The following CCDC134 variants were observed in gnomAD, a reference collection of about 807,000 sequenced individuals.
The protein encoded by CCDC134 is coiled-coil domain-containing protein 134.
In CCDC134, 27 loss-of-function variants were observed where a neutral mutation model predicts 25.6. That is an observed-to-expected ratio of 1.05 (90% CI 0.78 to 1.45). The LOEUF is 1.45. CCDC134 is among the 40% of genes most tolerant of loss of function. The pLI, the probability that CCDC134 is intolerant of heterozygous loss-of-function variation, is 0.00. For synonymous variants in CCDC134, 110 were observed against 115.0 expected, an observed-to-expected ratio of 0.96 and a Z score of 0.28; for missense variants, 261 against 286.7, an observed-to-expected ratio of 0.91 and a Z score of 0.65.
At chr22:41,811,621 G>T (rs972245969) in intron 4 of CCDC134, among the ~76,000 whole-genome samples, 1 of 152,056 alleles carries the variant, frequency 6.6e-6, no homozygotes, top group African/African-American at 2.4e-5. Flanking sequence ...TAGAGATGGG[G>T]TTTTGCCATG....
intron 6 of CCDC134, among the ~76,000 whole-genome samples, chr22:41,815,114 G>A (rs746154264): frequency 6.6e-6 from 1 of 151,862 alleles, no homozygotes; most frequent in African/African-American, 2.4e-5. Flanking sequence ...ATGCAGGGAT[G>A]CTCAGGGCCA....
intron 1 of CCDC134, among the ~76,000 whole-genome samples, 163 bp downstream of exon 1, chr22:41,800,929 G>A (rs936404619): frequency 1.3e-5 from 2 of 152,260 alleles, no homozygotes; most frequent in Non-Finnish European, 2.9e-5. Flanking sequence ...CCGAAGGCTC[G>A]GGGTCAACCA....
chr22:41,815,228 TGTA>T (rs2076617308), intron 6 of CCDC134, among the ~76,000 whole-genome samples: 1 of 141,900 alleles, frequency 7.0e-6, no homozygotes, highest in Non-Finnish European at 1.5e-5. Flanking sequence ...TTTTTTGAGA[TGTA>T]GTCTCGTTCT....
At chr22:41,817,254 C>A (rs1030131597) in intron 6 of CCDC134, among the ~76,000 whole-genome samples, 5 of 152,072 alleles carry the variant, frequency 3.3e-5, no homozygotes, top group South Asian at 2.1e-4. Context: ...TGTTACCATG[C>A]CAAGTAGAAT....
intron 6 of CCDC134, among the ~76,000 whole-genome samples, chr22:41,820,020 A>T (rs2076643052): frequency 8.0e-6 from 1 of 124,432 alleles, no homozygotes; most frequent in Admixed American, 7.9e-5. Flanking sequence ...TTTGAGACGG[A>T]GTCTCACTCT....
chr22:41,808,855 T>C lies in CCDC134; in HGVS notation c.-16-20T>C. On this transcript the variant is annotated intron_variant, in intron 1 of 6. Transcript: ENST00000255784. Reference sequence around the variant, plus strand: ...ACCGATCTCTGAGTCTCACTCTCTTTCTTTGGGTTATTCTTCCAGCTCAAG... The same window carrying C: ...ACCGATCTCTGAGTCTCACTCTCTTCCTTTGGGTTATTCTTCCAGCTCAAG... 6.4e-7 allele frequency: 1 copy of C among 1,563,914 alleles called. No individual in the cohort carries two copies. Among genetic ancestry groups the C allele is most frequent in the Non-Finnish European group, 8.8e-7 (1 of 1,134,376 alleles).
At chr22:41,820,363 G>A (rs1446038033) in intron 6 of CCDC134, among the ~76,000 whole-genome samples, 4 of 151,792 alleles carry the variant, frequency 2.6e-5, no homozygotes, top group African/African-American at 9.7e-5. Flanking sequence ...GCAATGGTGC[G>A]ATCTTGGCTC....
chr22:41,828,358 C>G lies in CCDC134; in HGVS notation c.*2535C>G, dbSNP rs974179441. ...GATGTGTGCCCTTCTCTGACGGTTC[C>G]TTGTTCATCCCATGTATTTACTGAC... On this transcript the variant is annotated 3_prime_UTR_variant, in exon 7 of 7. Transcript: ENST00000255784. Among the ~76,000 whole-genome samples the G allele has an allele frequency of 1.3e-5, 2 of 152,180 alleles. No individual in the cohort carries two copies. Among genetic ancestry groups the G allele is most frequent in the African/African-American group, 4.8e-5 (2 of 41,428 alleles).
At chr22:41,817,452 C>T (rs1274244212) in intron 6 of CCDC134, among the ~76,000 whole-genome samples, 1 of 151,964 alleles carries the variant, frequency 6.6e-6, no homozygotes, top group Non-Finnish European at 1.5e-5. Context: ...GGGTAGGTAT[C>T]GCCAGGCATG....
At chr22:41,810,073 C>T (rs996400624) in intron 3 of CCDC134, 73 bp downstream of exon 3, 10 of 1,603,840 alleles carry the variant, frequency 6.2e-6, no homozygotes, top group Non-Finnish European at 8.5e-6. Flanking sequence ...AACAGGAGTT[C>T]CCTAACGGGT....
chr22:41,820,310 T>C (rs1026093845), intron 6 of CCDC134, among the ~76,000 whole-genome samples: 4 of 151,720 alleles, frequency 2.6e-5, no homozygotes, highest in African/African-American at 9.7e-5. Context: ...TTTATATATA[T>C]ATTTTTAAGA....
intron 1 of CCDC134, among the ~76,000 whole-genome samples, chr22:41,806,194 CT>C (rs904418063): frequency 1.9e-4 from 24 of 126,516 alleles, no homozygotes; most frequent in Admixed American, 3.2e-4. Context: ...GGTTGAAAAT[CT>C]TTTTTTTTTA....
chr22:41,806,349 G>C (rs1029970061), intron 1 of CCDC134, among the ~76,000 whole-genome samples: 1 of 151,336 alleles, frequency 6.6e-6, no homozygotes, highest in Non-Finnish European at 1.5e-5. Flanking sequence ...CTCCCAAGTA[G>C]CTGAGATTAC....
At chr22:41,817,776 AGG>A (rs2076629927) in intron 6 of CCDC134, among the ~76,000 whole-genome samples, 1 of 152,052 alleles carries the variant, frequency 6.6e-6, no homozygotes, top group Admixed American at 6.5e-5. Flanking sequence ...ATAAAAAGAG[AGG>A]GGTAGGTATC....
intron 6 of CCDC134, among the ~76,000 whole-genome samples, chr22:41,815,670 A>G (rs79052729): frequency 6.6e-6 from 1 of 151,900 alleles, no homozygotes; most frequent in Non-Finnish European, 1.5e-5. Flanking sequence ...TATTTTTTTT[A>G]TAGACAGGGT....
intron 6 of CCDC134, among the ~76,000 whole-genome samples, chr22:41,818,237 T>A (rs1423648186): frequency 6.6e-6 from 1 of 152,168 alleles, no homozygotes; most frequent in African/African-American, 2.4e-5. Context: ...TAACAACGTG[T>A]TTAAAATGTT....
In CCDC134 at chr22:41,830,889, T is replaced by TC. The variant is rs1164464404; in HGVS notation, c.*5066_*5067insC. 1.5e-5 allele frequency among the ~76,000 whole-genome samples: 2 copies of TC among 137,866 alleles called. No homozygotes were observed. The highest frequency in any genetic ancestry group is 5.9e-5 in the African/African-American group (2 of 33,954). 90.4% of individuals were successfully genotyped at this position (137,866 alleles called of 152,430 possible). A position where few individuals can be genotyped will look rare whatever the true frequency, so the allele number is the denominator to read the frequency against. Reference sequence around the variant, plus strand: ...CTTATTTTTTCTTTTCTTTTCTTTTTTTTTTTTTTTTTTTTTTGAGACGCA... The same window carrying TC: ...CTTATTTTTTCTTTTCTTTTCTTTTTCTTTTTTTTTTTTTTTTTGAGACGCA... On this transcript the variant is annotated 3_prime_UTR_variant, in exon 7 of 7. Coordinates refer to ENST00000255784, the MANE Select transcript of CCDC134 (RefSeq NM_024821.5).
intron 4 of CCDC134, among the ~76,000 whole-genome samples, chr22:41,812,820 A>G (rs781514833): frequency 1.1e-4 from 16 of 152,184 alleles, no homozygotes; most frequent in Non-Finnish European, 1.5e-4. Context: ...AGCACTGGAC[A>G]TTTGGATAAC....
intron 1 of CCDC134, 26 bp from the exon 2 acceptor site, chr22:41,808,849 T>A (rs766010655): frequency 6.5e-7 from 1 of 1,541,794 alleles, no homozygotes; most frequent in South Asian, 1.1e-5. Context: ...TGAGTCTCAC[T>A]CTCTTTCTTT....
Sources: gnomAD v4.1 joint callset for allele counts (sites outside exome capture counted in the v4.1 genomes callset) on GRCh38, gnomAD v4.1.1 for gene constraint, MANE v1.5 for transcripts, NCBI Gene and HGNC (gene_info 2026-07-23, HGNC 2026-07-21) for gene names.